The following TMEM63C variants were observed in gnomAD, a reference collection of about 807,000 sequenced individuals.
The protein encoded by TMEM63C is osmosensitive cation channel TMEM63C.
A neutral mutation model predicts 99.2 loss-of-function variants in TMEM63C; 32 were observed. The ratio of observed to expected loss-of-function variants is 0.32; its 90% CI spans 0.24 to 0.43. The LOEUF (loss-of-function observed/expected upper bound fraction) is 0.43, where lower values mean the gene tolerates loss of function less well. TMEM63C is among the 20% of genes least tolerant of loss of function. The probability of loss-of-function intolerance (pLI) is 1.00; values close to 1 mark genes in which losing one functional copy is unlikely to be tolerated. For missense variants in TMEM63C, 826 were observed against 1,053.0 expected (o/e 0.78, Z 2.98); for synonymous variants, 376 against 397.9 (o/e 0.94, Z 0.66).
chr14:77,203,687 C>T (rs1198209828), intron 1 of TMEM63C, among the ~76,000 whole-genome samples: 1 of 152,268 alleles, frequency 6.6e-6, no homozygotes, highest in Non-Finnish European at 1.5e-5. Flanking sequence ...GCACCTAGCT[C>T]GGGGCTGGCC....
chr14:77,185,558 G>A (rs963884196), intron 1 of TMEM63C, among the ~76,000 whole-genome samples: 1 of 152,246 alleles, frequency 6.6e-6, no homozygotes, highest in Non-Finnish European at 1.5e-5. Flanking sequence ...TGGCCAGTCC[G>A]CTGGGATACA....
chr14:77,220,760 A>G (rs1231997957), intron 5 of TMEM63C, among the ~76,000 whole-genome samples: 1 of 151,550 alleles, frequency 6.6e-6, no homozygotes, highest in African/African-American at 2.4e-5. Flanking sequence ...GGCCCTGAAT[A>G]CTCTGAGAGG....
chr14:77,230,506 C>G (rs138782512), intron 6 of TMEM63C, among the ~76,000 whole-genome samples: 2,021 of 152,282 alleles, frequency 0.013, 55 homozygotes, highest in Non-Finnish European at 0.014. Context: ...GGCCACAGAT[C>G]GATACCTGTT....
At chr14:77,229,632 AG>A (rs1566625852) in intron 6 of TMEM63C, among the ~76,000 whole-genome samples, 4 of 144,114 alleles carry the variant, frequency 2.8e-5, no homozygotes, top group South Asian at 2.3e-4. Context: ...ATATATATAT[AG>A]TAGAGATGGG....
rs372256997 is a variant in TMEM63C at position 77,188,061 on chromosome 14, CCTGGA to C, written c.-77+6171_-77+6175del. 7.2e-5 allele frequency among the ~76,000 whole-genome samples: 11 copies of C among 152,312 alleles called. No individual in the cohort carries two copies. In the East Asian group the frequency reaches 1.5e-3, roughly 21 times the overall value. On this transcript the variant is annotated intron_variant, in intron 1 of 23. Coordinates refer to ENST00000298351, the MANE Select transcript of TMEM63C (RefSeq NM_020431.4). ...CATTGCTCTGGCAAATCAAACGTGC[CCTGGA>C]CTGTCTGAGCCACTGCCTCTCCCCA...
intron 5 of TMEM63C, among the ~76,000 whole-genome samples, chr14:77,223,653 G>A (rs1888765420): frequency 6.6e-6 from 1 of 152,080 alleles, no homozygotes; most frequent in Non-Finnish European, 1.5e-5. Flanking sequence ...GTGTGTATGT[G>A]TGTGCACACA....
At chr14:77,230,906 A>C (rs1888927387) in intron 6 of TMEM63C, among the ~76,000 whole-genome samples, 1 of 152,216 alleles carries the variant, frequency 6.6e-6, no homozygotes, top group African/African-American at 2.4e-5. Flanking sequence ...GTTACAAGTA[A>C]TGCATCTGTG....
intron 1 of TMEM63C, among the ~76,000 whole-genome samples, chr14:77,185,713 G>C (rs1276607487): frequency 6.6e-6 from 1 of 152,196 alleles, no homozygotes; most frequent in African/African-American, 2.4e-5. Context: ...GCTTTGATGG[G>C]GGACATGGAA....
rs144600811 is a variant in TMEM63C at position 77,255,713 on chromosome 14, G to A, written c.2221-813G>A. ...TTAATTCCCATTCATTAATGATGCC[G>A]TCATGACCTTCTAATTAGGGGAATG... On this transcript the variant is annotated intron_variant, in intron 23 of 23. Coordinates refer to ENST00000298351, the MANE Select transcript of TMEM63C (RefSeq NM_020431.4). 1.9e-4 allele frequency among the ~76,000 whole-genome samples: 29 copies of A among 152,304 alleles called. No individual in the cohort carries two copies. In the East Asian group the frequency reaches 3.7e-3, roughly 19 times the overall value.
At chr14:77,229,245 A>G (rs1188275566) in intron 6 of TMEM63C, among the ~76,000 whole-genome samples, 1 of 151,788 alleles carries the variant, frequency 6.6e-6, no homozygotes, top group African/African-American at 2.4e-5. Context: ...CTCTACTAAA[A>G]ATACAAAAAT....
chr14:77,200,459 C>T (rs576109255), intron 1 of TMEM63C, among the ~76,000 whole-genome samples: 12 of 152,350 alleles, frequency 7.9e-5, no homozygotes, highest in Non-Finnish European at 1.6e-4. Flanking sequence ...GTCCCTCATG[C>T]CCCCCAGGCC....
chr14:77,249,197 G>T lies in TMEM63C; in HGVS notation c.1871-94G>T. ...CTTGGTTGTTGTGACTCTGACAGCCGTGGATCTGGCTTCTCAGGCCTGTGG... is the reference window on the plus strand; with the variant it reads ...CTTGGTTGTTGTGACTCTGACAGCCTTGGATCTGGCTTCTCAGGCCTGTGG... On this transcript the variant is annotated intron_variant, in intron 20 of 23. Coordinates refer to ENST00000298351, the MANE Select transcript of TMEM63C (RefSeq NM_020431.4). 4 of 1,342,700 alleles carry T rather than the reference G, an allele frequency of 3.0e-6. No individual in the cohort carries two copies. The South Asian group carries it at 3.9e-5, about 13-fold the overall frequency. 83.2% of individuals were successfully genotyped at this position (1,342,700 alleles called of 1,614,324 possible).
intron 22 of TMEM63C, 101 bp downstream of exon 22, chr14:77,251,999 A>T (rs909575202): frequency 7.2e-6 from 7 of 970,392 alleles, no homozygotes; most frequent in Non-Finnish European, 1.2e-5. Flanking sequence ...CCACAGGATG[A>T]AAGGGTCTCG....
At chr14:77,244,827 G>T (rs1368192187) in intron 16 of TMEM63C, among the ~76,000 whole-genome samples, 1 of 152,204 alleles carries the variant, frequency 6.6e-6, no homozygotes, top group East Asian at 1.9e-4. Flanking sequence ...GACTTGTGTG[G>T]GAATGTCAAT....
At chr14:77,228,364 T>TC (rs1888870445) in intron 6 of TMEM63C, among the ~76,000 whole-genome samples, 1 of 150,340 alleles carries the variant, frequency 6.7e-6, no homozygotes, top group Admixed American at 6.8e-5. Context: ...AAGAGGACCT[T>TC]CCCCCGCTCT....
intron 2 of TMEM63C, among the ~76,000 whole-genome samples, chr14:77,215,628 A>AGAAAAGAAAG (rs2140106208): frequency 6.6e-6 from 1 of 150,980 alleles, no homozygotes; most frequent in African/African-American, 2.4e-5. Context: ...AGAAAAGAAA[A>AGAAAAGAAAG]GAAAAAGAAA....
chr14:77,234,245 G>A (rs907300771), intron 8 of TMEM63C, among the ~76,000 whole-genome samples: 7 of 134,798 alleles, frequency 5.2e-5, no homozygotes, highest in Non-Finnish European at 7.8e-5. Context: ...GCCCCACCTC[G>A]CCTCCCCCAA....
intron 3 of TMEM63C, among the ~76,000 whole-genome samples, chr14:77,219,209 T>G (rs939551466): frequency 6.6e-6 from 1 of 152,230 alleles, no homozygotes; most frequent in Non-Finnish European, 1.5e-5. Flanking sequence ...GCCTCCTTCC[T>G]CTTTCTCATT....
chr14:77,248,495 G>C lies in TMEM63C; in HGVS notation c.1750G>C (p.Val584Leu). 6.3e-7 allele frequency: 1 copy of C among 1,586,746 alleles called. No homozygotes were observed. Among genetic ancestry groups the C allele is most frequent in the East Asian group, 2.3e-5 (1 of 43,310 alleles). ...CTTCTCTAGATCAGAGCCAGAGAGA[G>C]TCAACATCAGAAAGGTACAGACTGG... Reference protein sequence around the residue: ...LFFSRSEPERVNIRKNQAIDF... With the variant: ...LFFSRSEPERLNIRKNQAIDF... The change falls in exon 19 of 24, where the codon GTC becomes CTC. Residue 584 changes from valine to leucine, a missense_variant. Transcript: ENST00000298351.
Sources: gnomAD v4.1 joint callset for allele counts (sites outside exome capture counted in the v4.1 genomes callset) on GRCh38, gnomAD v4.1.1 for gene constraint, MANE v1.5 for transcripts, NCBI Gene and HGNC (gene_info 2026-07-23, HGNC 2026-07-21) for gene names.